ANGPTL5: variants seen among roughly 807,000 people sequenced by gnomAD.
The protein encoded by ANGPTL5 is angiopoietin like 5.
Under a neutral mutation model 39.4 loss-of-function variants are expected in ANGPTL5, and 34 were observed. The observed-to-expected ratio is 0.86, with a 90% CI of 0.66 to 1.15. The LOEUF (loss-of-function observed/expected upper bound fraction) is 1.15. ANGPTL5 is among the 50% of genes most tolerant of loss of function. ANGPTL5 has a pLI of 0.00. For missense variants in ANGPTL5, 467 were observed against 457.5 expected, an observed-to-expected ratio of 1.02 and a Z score of -0.19; for synonymous variants, 146 against 152.1, an observed-to-expected ratio of 0.96 and a Z score of 0.29.
Position 101,891,208 on chromosome 11 carries a change from T to A in ANGPTL5, c.*71A>T. ...TGCCTAATATGTTTGAAACACTAAG[T>A]GAAAAGATAAACTTTTAAAAATCTT... is the stretch of plus-strand genomic sequence containing the variant. On this transcript the variant is annotated 3_prime_UTR_variant, in exon 9 of 9. Coordinates refer to ENST00000334289, the MANE Select transcript of ANGPTL5 (RefSeq NM_178127.5). The A allele has an allele frequency of 7.1e-7, 1 of 1,407,184 alleles. No homozygotes were observed. The highest frequency in any genetic ancestry group is 9.7e-7 in the Non-Finnish European group (1 of 1,035,846). The allele number at this position is 1,407,184 out of a possible 1,614,324, so 87.2% of individuals were successfully genotyped here.
At position 101,904,850 on chromosome 11, in the gene ANGPTL5, G is replaced by T; in HGVS notation, c.403C>A (p.Leu135Met). The stretch of plus-strand genomic sequence containing the variant: ...ACAGGTCTGTGAGGAAAAGGATCCA[G>T]CTGTTTTCTAAAAACTTCTGTAGTC... ...LLTTEVFRKQ[L>M]DPFPHRPVQS... The change falls in exon 5 of 9, where the codon CTG (leucine) becomes ATG (methionine). Residue 135 changes from leucine to methionine, a missense_variant. Coordinates refer to ENST00000334289, the MANE Select transcript of ANGPTL5 (RefSeq NM_178127.5). 2.5e-6 allele frequency: 4 copies of T among 1,613,702 alleles called. No homozygotes were observed. Among genetic ancestry groups the T allele is most frequent in the Non-Finnish European group, 3.4e-6 (4 of 1,179,690 alleles).
chr11:101,910,424 A>AAAT (rs1469724609), intron 1 of ANGPTL5, among the ~76,000 whole-genome samples: 5 of 127,216 alleles, frequency 3.9e-5, no homozygotes, highest in African/African-American at 1.2e-4. Context: ...AAAAAAAAAA[A>AAAT]ATATATATAT....
In ANGPTL5 at chr11:101,911,280, C is replaced by A. The variant is rs377602171; in HGVS notation, c.-92-3279G>T. ...CAGGGATTACAGGCGCTTGCCACCA[C>A]GCCCAGTTAATTTTTGTGTTTTTAG... is the stretch of plus-strand genomic sequence containing the variant. On this transcript the variant is annotated intron_variant, in intron 1 of 8. Coordinates refer to ENST00000334289, the MANE Select transcript of ANGPTL5 (RefSeq NM_178127.5). 7.9e-5 allele frequency among the ~76,000 whole-genome samples: 12 copies of A among 151,776 alleles called. No homozygotes were observed. The South Asian group carries it at 1.7e-3, about 21-fold the overall frequency.
intron 3 of ANGPTL5, among the ~76,000 whole-genome samples, chr11:101,906,799 A>G (rs1282469147): frequency 6.6e-6 from 1 of 152,030 alleles, no homozygotes; most frequent in Admixed American, 6.6e-5. Flanking sequence ...TCAGTCTGTC[A>G]CTTTCTATTA....
In ANGPTL5 at chr11:101,891,191, A is replaced by G; in HGVS notation, c.*88T>C. On this transcript the variant is annotated 3_prime_UTR_variant, in exon 9 of 9. Coordinates refer to ENST00000334289, the MANE Select transcript of ANGPTL5 (RefSeq NM_178127.5). The stretch of plus-strand genomic sequence containing the variant: ...CATCTACAGTTAAATTTTGCCTAAT[A>G]TGTTTGAAACACTAAGTGAAAAGAT... 2 of 1,269,310 alleles carry G rather than the reference A, an allele frequency of 1.6e-6. No homozygotes were observed. The highest frequency in any genetic ancestry group is 3.0e-5 in the South Asian group (2 of 66,050). The allele number at this position is 1,269,310 out of a possible 1,614,324, so 78.6% of individuals were successfully genotyped here. A position where few individuals can be genotyped will look rare whatever the true frequency, so the allele number is the denominator to read the frequency against.
Position 101,895,083 on chromosome 11 carries a change from G to GT in ANGPTL5, c.662-20dup, listed in dbSNP as rs1939769180. On this transcript the variant is annotated intron_variant, in intron 7 of 8. Transcript: ENST00000334289. ...AATTCTCCTGTAAAAAAAATGCTTT[G>GT]TTTTAATATATTTTAATACAAATTA... is the stretch of plus-strand genomic sequence containing the variant. The GT allele has an allele frequency of 6.7e-7, 1 of 1,495,278 alleles. No homozygotes were observed. The highest frequency in any genetic ancestry group is 9.2e-7 in the Non-Finnish European group (1 of 1,090,138). The allele number at this position is 1,495,278 out of a possible 1,614,324, so 92.6% of individuals were successfully genotyped here. A position where few individuals can be genotyped will look rare whatever the true frequency, so the allele number is the denominator to read the frequency against.
Position 101,904,814 on chromosome 11 carries a change from C to T in ANGPTL5, c.439G>A (p.Gly147Ser), listed in dbSNP as rs375532085. The T allele has an allele frequency of 1.2e-4, 193 of 1,611,598 alleles. 1 individual carries two copies. In the South Asian group the frequency reaches 2.0e-3, roughly 17 times the overall value. ...PFPHRPVQSH[G>S]LDCTDIKDTI... ...AAGGCTGAAATACCAAAGTTCTCAC[C>T]ATGTGACTGAACAGGTCTGTGAGGA... The change falls in exon 5 of 9, where the codon GGT becomes AGT. Residue 147 changes from glycine (G) to serine (S), a missense_variant and splice_region_variant. By Grantham distance (56) the Gly-to-Ser change is moderately conservative. Coordinates refer to ENST00000334289, the MANE Select transcript of ANGPTL5 (RefSeq NM_178127.5).
chr11:101,907,910 A>G lies in ANGPTL5; in HGVS notation c.-1T>C. The G allele has an allele frequency of 6.3e-7, 1 of 1,589,162 alleles. No homozygotes were observed. The highest frequency in any genetic ancestry group is 1.3e-5 in the African/African-American group (1 of 74,450). The stretch of plus-strand genomic sequence containing the variant: ...GTGAGGCTTGGGATGGAGACATCAT[A>G]TTTTTCTTGGATAGATGAAAACACT... On this transcript the variant is annotated 5_prime_UTR_variant, in exon 2 of 9. Coordinates refer to ENST00000334289, the MANE Select transcript of ANGPTL5 (RefSeq NM_178127.5).
chr11:101,901,366 T>C (rs1386795971), intron 6 of ANGPTL5, among the ~76,000 whole-genome samples: 1 of 152,098 alleles, frequency 6.6e-6, no homozygotes, highest in Non-Finnish European at 1.5e-5. Context: ...CTTTGCTCTT[T>C]TCTCCCACAA....
intron 1 of ANGPTL5, among the ~76,000 whole-genome samples, chr11:101,913,700 G>A (rs1442082504): frequency 6.6e-6 from 1 of 152,062 alleles, no homozygotes; most frequent in Non-Finnish European, 1.5e-5. Flanking sequence ...AGCAAAAGCT[G>A]GACTTCTGGA....
Position 101,905,724 on chromosome 11 carries a change from C to T in ANGPTL5, c.345+20G>A, listed in dbSNP as rs766932069. 2 of 1,520,056 alleles carry T rather than the reference C, an allele frequency of 1.3e-6. No individual in the cohort carries two copies. The highest frequency in any genetic ancestry group is 2.3e-5 in the South Asian group (2 of 88,816). The allele number at this position is 1,520,056 out of a possible 1,614,324, so 94.2% of individuals were successfully genotyped here. The stretch of plus-strand genomic sequence containing the variant: ...TCAACGTGTACATGCAATAACAACA[C>T]AATACTAAAACATCTATACCTGATT... On this transcript the variant is annotated intron_variant, in intron 4 of 8. Transcript: ENST00000334289.
intron 2 of ANGPTL5, 59 bp from the exon 3 acceptor site, chr11:101,907,306 T>A: frequency 1.9e-6 from 2 of 1,080,378 alleles, no homozygotes; most frequent in Non-Finnish European, 2.6e-6. Flanking sequence ...TATGACCTAA[T>A]ACATAATAAA....
chr11:101,897,160 A>AGGG (rs1939813320), intron 7 of ANGPTL5, among the ~76,000 whole-genome samples: 1 of 152,148 alleles, frequency 6.6e-6, no homozygotes, highest in Non-Finnish European at 1.5e-5. Flanking sequence ...CGTCTTTTGA[A>AGGG]AAGTGTCTGT....
intron 2 of ANGPTL5, among the ~76,000 whole-genome samples, 174 bp downstream of exon 2, chr11:101,907,640 T>C (rs1431556400): frequency 6.6e-6 from 1 of 152,146 alleles, no homozygotes; most frequent in African/African-American, 2.4e-5. Context: ...AGTTTATAGT[T>C]TCCTCAGTTT....
intron 1 of ANGPTL5, among the ~76,000 whole-genome samples, chr11:101,908,434 G>A (rs1427303843): frequency 4.6e-5 from 7 of 152,208 alleles, no homozygotes; most frequent in South Asian, 4.1e-4. Flanking sequence ...AAATTTGATC[G>A]AGGTGGACAT....
intron 1 of ANGPTL5, among the ~76,000 whole-genome samples, chr11:101,914,494 C>T (rs2137070615): frequency 6.6e-6 from 1 of 152,270 alleles, no homozygotes; most frequent in East Asian, 1.9e-4. Flanking sequence ...GAAATGTAGA[C>T]CTTCTAAGTA....
At chr11:101,905,613 TG>T in intron 4 of ANGPTL5, 130 bp downstream of exon 4, 1 of 671,436 alleles carries the variant, frequency 1.5e-6, no homozygotes, top group African/African-American at 1.8e-5. Flanking sequence ...AAGTTTACTA[TG>T]GTGCCTCTAA....
intron 6 of ANGPTL5, 146 bp from the exon 7 acceptor site, chr11:101,900,696 C>CAT: frequency 1.2e-6 from 1 of 803,788 alleles, no homozygotes; most frequent in South Asian, 1.6e-5. Context: ...TTAATTTATT[C>CAT]AGATGTTTTT....
At chr11:101,915,205 C>A in intron 1 of ANGPTL5, 1 of 1,582,038 alleles carries the variant, frequency 6.3e-7, no homozygotes. Flanking sequence ...TAGGGAGGGG[C>A]CGAGCAGGAG....
Sources: gnomAD v4.1 joint callset for allele counts (sites outside exome capture counted in the v4.1 genomes callset) on GRCh38, gnomAD v4.1.1 for gene constraint, MANE v1.5 for transcripts, NCBI Gene and HGNC (gene_info 2026-07-23, HGNC 2026-07-21) for gene names.